VEGFC: variants seen among roughly 807,000 people sequenced by gnomAD.
VEGFC encodes FLT4 ligand DHM.
Under a neutral mutation model 46.1 loss-of-function variants are expected in VEGFC, and 12 were observed. The ratio of observed to expected loss-of-function variants is 0.26; its 90% CI spans 0.17 to 0.42. VEGFC has a LOEUF of 0.42. Among genes scored for constraint, VEGFC ranks in the 10% least tolerant of loss-of-function variants. The pLI is 1.00. For synonymous variants in VEGFC, 232 were observed against 195.5 expected (o/e 1.19, Z -1.56); for missense variants, 488 against 529.4 (o/e 0.92, Z 0.77).
At chr4:176,753,300 A>T (rs1208373925) in intron 1 of VEGFC, among the ~76,000 whole-genome samples, 1 of 152,102 alleles carries the variant, frequency 6.6e-6, no homozygotes, top group Non-Finnish European at 1.5e-5. Flanking sequence ...CCTTATGTAC[A>T]GGCTTAAGAA....
At chr4:176,691,471 C>A (rs896769184) in intron 4 of VEGFC, among the ~76,000 whole-genome samples, 2 of 151,636 alleles carry the variant, frequency 1.3e-5, no homozygotes, top group African/African-American at 4.8e-5. Flanking sequence ...GACCCCACCA[C>A]ACACACACAC....
intron 4 of VEGFC, among the ~76,000 whole-genome samples, chr4:176,700,297 A>G: frequency 6.6e-6 from 1 of 152,046 alleles, no homozygotes; most frequent in Non-Finnish European, 1.5e-5. Flanking sequence ...CGTGCTTGTA[A>G]TCCCAGTTAC....
At chr4:176,696,618 G>T (rs972512729) in intron 4 of VEGFC, among the ~76,000 whole-genome samples, 2 of 151,210 alleles carry the variant, frequency 1.3e-5, no homozygotes, top group Non-Finnish European at 2.9e-5. Flanking sequence ...TTTCTTCACA[G>T]AACTGGAAAA....
intron 1 of VEGFC, among the ~76,000 whole-genome samples, chr4:176,790,798 C>T (rs1736076948): frequency 6.6e-6 from 1 of 152,076 alleles, no homozygotes; most frequent in African/African-American, 2.4e-5. Flanking sequence ...GTTATTGAGC[C>T]GATTATTACA....
At chr4:176,716,899 TTTA>T (rs1734710142) in intron 3 of VEGFC, among the ~76,000 whole-genome samples, 2 of 150,978 alleles carry the variant, frequency 1.3e-5, no homozygotes. Flanking sequence ...TATTTTGTGC[TTTA>T]TTGTGTATAT....
intron 1 of VEGFC, among the ~76,000 whole-genome samples, chr4:176,734,538 A>G (rs928071798): frequency 1.5e-4 from 23 of 151,832 alleles, no homozygotes; most frequent in African/African-American, 5.6e-4. Flanking sequence ...TCTAAAACAA[A>G]TAACGTTCAC....
chr4:176,687,986 C>T, intron 4 of VEGFC, 59 bp from the exon 5 acceptor site: 3 of 889,740 alleles, frequency 3.4e-6, no homozygotes, highest in Non-Finnish European at 3.6e-6. Flanking sequence ...AAGGGACCAT[C>T]TCTGCTCACA....
At chr4:176,770,295 T>G (rs2110925822) in intron 1 of VEGFC, among the ~76,000 whole-genome samples, 1 of 152,298 alleles carries the variant, frequency 6.6e-6, no homozygotes, top group African/African-American at 2.4e-5. Flanking sequence ...AACAAAAACT[T>G]TATATTATTA....
At chr4:176,767,892 G>A (rs1389315857) in intron 1 of VEGFC, among the ~76,000 whole-genome samples, 1 of 152,144 alleles carries the variant, frequency 6.6e-6, no homozygotes. Flanking sequence ...CCAAGTGGAA[G>A]ACGATGGTGG....
intron 1 of VEGFC, among the ~76,000 whole-genome samples, chr4:176,760,702 C>T (rs1170047985): frequency 1.3e-5 from 2 of 152,128 alleles, no homozygotes; most frequent in Non-Finnish European, 2.9e-5. Flanking sequence ...AGACTTAGCC[C>T]TTTCTCTAGC....
chr4:176,761,769 G>A (rs1037321799), intron 1 of VEGFC, among the ~76,000 whole-genome samples: 2 of 152,012 alleles, frequency 1.3e-5, no homozygotes, highest in Non-Finnish European at 2.9e-5. Context: ...ATTATTATAG[G>A]ACACAGAAAT....
Position 176,792,261 on chromosome 4 carries a change from C to CGCA in VEGFC, c.48_50dup (p.Ala17dup). The CGCA allele has an allele frequency of 6.4e-7, 1 of 1,556,978 alleles. No individual in the cohort carries two copies. Among genetic ancestry groups the CGCA allele is most frequent in the South Asian group, 1.2e-5 (1 of 86,242 alleles). On this transcript the variant is annotated inframe_insertion, in exon 1 of 7. Coordinates refer to ENST00000618562, the MANE Select transcript of VEGFC (RefSeq NM_005429.5). This position sits in a 1 kb window ranked among gnomAD's most constrained non-coding sequence, Gnocchi z 6.3. ...GCGCCTCGCGAGGACCCGGGAGCAG[C>CGCA]GCAGCGGCGAGCAGAGAACACGCCA...
chr4:176,706,200 T>A (rs1438839734), intron 4 of VEGFC: 1 of 152,234 alleles, frequency 6.6e-6, no homozygotes, highest in Non-Finnish European at 1.5e-5. Flanking sequence ...GCCAAGCGCA[T>A]CTTTGTTTTC....
intron 1 of VEGFC, among the ~76,000 whole-genome samples, chr4:176,730,451 T>C (rs1468054863): frequency 6.6e-6 from 1 of 152,126 alleles, no homozygotes; most frequent in Non-Finnish European, 1.5e-5. Context: ...ATCTAAGAAA[T>C]AAATACAATT....
intron 1 of VEGFC, among the ~76,000 whole-genome samples, chr4:176,769,138 C>T (rs546748025): frequency 1.3e-5 from 2 of 152,206 alleles, no homozygotes; most frequent in South Asian, 4.1e-4. Flanking sequence ...AACAAGGCAC[C>T]ATCTATGAAG....
intron 1 of VEGFC, among the ~76,000 whole-genome samples, chr4:176,787,565 C>T (rs1480788561): frequency 1.3e-5 from 2 of 151,510 alleles, no homozygotes; most frequent in Non-Finnish European, 1.5e-5. Flanking sequence ...GCCACTAGGG[C>T]GCGAGCAGTA....
intron 1 of VEGFC, among the ~76,000 whole-genome samples, chr4:176,743,614 T>TTA (rs1164516546): frequency 6.7e-6 from 1 of 150,272 alleles, no homozygotes; most frequent in African/African-American, 2.4e-5. Flanking sequence ...ATATATAATA[T>TTA]TATAGATAGA....
At chr4:176,686,302 T>C (rs1372703241) in intron 6 of VEGFC, among the ~76,000 whole-genome samples, 2 of 152,178 alleles carry the variant, frequency 1.3e-5, no homozygotes, top group East Asian at 1.9e-4. Flanking sequence ...AGGTTTTAGT[T>C]GGTTGAATAC....
intron 4 of VEGFC, among the ~76,000 whole-genome samples, chr4:176,710,163 T>C (rs150110614): frequency 1.2e-3 from 186 of 152,246 alleles, no homozygotes; most frequent in African/African-American, 4.2e-3. Context: ...AGATAAAATA[T>C]TATAAGTCAA....
Sources: allele counts gnomAD v4.1 joint callset (sites outside exome capture counted in the v4.1 genomes callset), GRCh38; gene constraint gnomAD v4.1.1; non-coding constraint Gnocchi (gnomAD v3.1); transcripts MANE v1.5; gene names NCBI Gene and HGNC (gene_info 2026-07-23, HGNC 2026-07-21).